The following SSH2 variants were observed in gnomAD, a reference collection of about 807,000 sequenced individuals.
The protein encoded by SSH2 is slingshot protein phosphatase 2, also known as protein phosphatase Slingshot homolog 2.
In SSH2, 37 loss-of-function variants were observed where a neutral mutation model predicts 135.2. The ratio of observed to expected loss-of-function variants is 0.27; its 90% confidence interval spans 0.21 to 0.36. SSH2 has a LOEUF of 0.36. Among genes scored for constraint, SSH2 ranks in the 10% least tolerant of loss-of-function variants. SSH2 has a pLI of 1.00. For missense variants in SSH2, 1,408 were observed against 1,765.3 expected, an observed-to-expected ratio of 0.80 and a Z score of 3.63; for synonymous variants, 628 against 646.2, an observed-to-expected ratio of 0.97 and a Z score of 0.43.
chr17:29,703,699 C>T (rs2039083050), intron 3 of SSH2, among the ~76,000 whole-genome samples: 2 of 152,176 alleles, frequency 1.3e-5, no homozygotes, highest in Admixed American at 6.5e-5. Flanking sequence ...CTGCCTCAGC[C>T]TCCTGAGTAG....
In SSH2 at chr17:29,652,019, G is replaced by A. The variant is rs1381752573; in HGVS notation, c.1080-1219C>T. ...TAGCTGGGCGTGGTGGCATGTGCCT[G>A]TAATTCCAGCTACTTGGGAGGCTGA... On this transcript the variant is annotated intron_variant, in intron 12 of 15. Transcript: ENST00000540801. 9.8e-5 allele frequency among the ~76,000 whole-genome samples: 15 copies of A among 152,296 alleles called. No individual in the cohort carries two copies. The East Asian group carries it at 2.9e-3, about 29-fold the overall frequency.
chr17:29,891,542 C>A (rs1169536297), intron 1 of SSH2, among the ~76,000 whole-genome samples: 2 of 151,558 alleles, frequency 1.3e-5, no homozygotes, highest in Non-Finnish European at 2.9e-5. Flanking sequence ...AGCTCAAGAG[C>A]CCTAAATAAA....
chr17:29,908,804 A>C (rs1015503547), intron 1 of SSH2, among the ~76,000 whole-genome samples: 1 of 123,784 alleles, frequency 8.1e-6, no homozygotes, highest in South Asian at 2.6e-4. Context: ...ATTGGCCGGG[A>C]GTGGTGGCTC....
At chr17:29,846,964 T>TA (rs1340807567) in intron 2 of SSH2, among the ~76,000 whole-genome samples, 1 of 152,184 alleles carries the variant, frequency 6.6e-6, no homozygotes, top group Non-Finnish European at 1.5e-5. Flanking sequence ...ATCAAATCTG[T>TA]AAAAAACAAT....
At chr17:29,679,096 CCT>C (rs781072645) in intron 6 of SSH2, among the ~76,000 whole-genome samples, 3 of 152,142 alleles carry the variant, frequency 2.0e-5, no homozygotes, top group African/African-American at 4.8e-5. Context: ...GCCATGGACC[CCT>C]GATTGTATGC....
chr17:29,785,068 A>AT (rs1239050102), intron 3 of SSH2, among the ~76,000 whole-genome samples: 1 of 152,170 alleles, frequency 6.6e-6, no homozygotes, highest in Admixed American at 6.5e-5. Context: ...ATGGTGAGTA[A>AT]TTTTTTATGT....
intron 3 of SSH2, among the ~76,000 whole-genome samples, chr17:29,727,858 T>C (rs1455094628): frequency 6.6e-6 from 1 of 152,012 alleles, no homozygotes; most frequent in African/African-American, 2.4e-5. Context: ...ACAAAGAGCA[T>C]CCCAATTGGA....
chr17:29,851,259 AATACTAAGCAC>A (rs1319417021), intron 1 of SSH2, among the ~76,000 whole-genome samples: 2 of 152,158 alleles, frequency 1.3e-5, no homozygotes, highest in Admixed American at 6.5e-5. Flanking sequence ...TAATATAGAT[AATACTAAGCAC>A]ATCAAAAGTG....
At chr17:29,634,989 G>A (rs1370616544) in intron 15 of SSH2, among the ~76,000 whole-genome samples, 1 of 151,926 alleles carries the variant, frequency 6.6e-6, no homozygotes, top group African/African-American at 2.4e-5. Context: ...TGCAATCTCT[G>A]TCTCCTAGGT....
At chr17:29,666,740 C>CTTAT in intron 11 of SSH2, 127 bp downstream of exon 11, 1 of 855,452 alleles carries the variant, frequency 1.2e-6, no homozygotes, top group African/African-American at 1.7e-5. Flanking sequence ...GGTTTGAGTA[C>CTTAT]TTATCACTTT....
intron 3 of SSH2, among the ~76,000 whole-genome samples, chr17:29,761,841 A>ATG (rs1491453124): frequency 1.4e-5 from 2 of 141,228 alleles, no homozygotes; most frequent in African/African-American, 5.7e-5. Flanking sequence ...ACTCACATAC[A>ATG]TATGTGTGTG....
At chr17:29,869,283 A>C (rs1300547455) in intron 1 of SSH2, among the ~76,000 whole-genome samples, 1 of 152,210 alleles carries the variant, frequency 6.6e-6, no homozygotes, top group Non-Finnish European at 1.5e-5. Context: ...TTAGTAATCT[A>C]GGGACTTCAG....
At chr17:29,742,492 TTTTTTTTTC>T (rs1248337795) in intron 3 of SSH2, among the ~76,000 whole-genome samples, 1 of 146,718 alleles carries the variant, frequency 6.8e-6, no homozygotes, top group Non-Finnish European at 1.5e-5. Context: ...TTTTTTTTTT[TTTTTTTTTC>T]TTTTCAATTT....
At chr17:29,704,056 G>C (rs1165241227) in intron 3 of SSH2, among the ~76,000 whole-genome samples, 2 of 152,204 alleles carry the variant, frequency 1.3e-5, no homozygotes, top group African/African-American at 4.8e-5. Flanking sequence ...AATGAGAACA[G>C]AGCTTCTTAA....
Position 29,636,361 on chromosome 17 carries a change from A to T in SSH2, c.1869T>A (p.Asp623Glu), listed in dbSNP as rs1276000337. 6.2e-7 allele frequency: 1 copy of T among 1,614,096 alleles called. No homozygotes were observed. The highest frequency in any genetic ancestry group is 8.5e-7 in the Non-Finnish European group (1 of 1,180,020). ...CTGCTTTCAGTGCATCTGTCTCCAA[A>T]TCTTCCACTGTTAAGTCTGGAAACT... ...ANKFPDLTVE[D>E]LETDALKADM... The change falls in exon 15 of 16, where the codon GAT (aspartate) becomes GAA (glutamate). Residue 623 changes from aspartate to glutamate, a missense_variant. By Grantham distance (45) the Asp-to-Glu change is conservative (BLOSUM62 2). This residue lies in a region of SSH2 where 1,080 missense variants were observed against 1,144.5 expected (regional missense o/e 0.94). Transcript: ENST00000540801.
chr17:29,648,953 A>G (rs1238719261), intron 13 of SSH2, among the ~76,000 whole-genome samples: 2 of 152,234 alleles, frequency 1.3e-5, no homozygotes, highest in Non-Finnish European at 2.9e-5. Context: ...AACCTGGACA[A>G]GATGGTGAAA....
intron 1 of SSH2, among the ~76,000 whole-genome samples, chr17:29,862,671 G>A (rs1200166998): frequency 6.6e-6 from 1 of 152,204 alleles, no homozygotes; most frequent in Non-Finnish European, 1.5e-5. Flanking sequence ...CAGTGGCTAA[G>A]AGAGTCAAGA....
rs2067157965 is a variant in SSH2, at chr17:29,930,026, C to T, written c.-26G>A. 2 of 1,541,668 alleles carry T rather than the reference C, an allele frequency of 1.3e-6. No individual in the cohort carries two copies. Among genetic ancestry groups the T allele is most frequent in the African/African-American group, 1.4e-5 (1 of 69,666 alleles). ...CTAGGCGCTGCTGGGTTGTTCCGGG[C>T]AGGGCATTCTTGTCCTGAGTGTGGG... On this transcript the variant is annotated 5_prime_UTR_variant, in exon 1 of 16. Coordinates refer to ENST00000540801, the MANE Select transcript of SSH2 (RefSeq NM_001282129.2).
chr17:29,803,637 A>G (rs2042290748), intron 2 of SSH2, among the ~76,000 whole-genome samples: 1 of 152,228 alleles, frequency 6.6e-6, no homozygotes, highest in South Asian at 2.1e-4. Flanking sequence ...GCACAATAGC[A>G]GAAGTAACAA....
Sources: allele counts gnomAD v4.1 joint callset (sites outside exome capture counted in the v4.1 genomes callset), GRCh38; gene constraint gnomAD v4.1.1; regional missense constraint gnomAD v4.1.1; transcripts MANE v1.5; gene names NCBI Gene and HGNC (gene_info 2026-07-23, HGNC 2026-07-21).